The following PIEZO2 variants were observed in gnomAD, a reference collection of about 807,000 sequenced individuals.
PIEZO2 encodes piezo type mechanosensitive ion channel component 2, also known as piezo-type mechanosensitive ion channel component 2.
PIEZO2 carries 172 observed loss-of-function variants against 337.3 expected under a neutral mutation model. The ratio of observed to expected loss-of-function variants is 0.51; its 90% CI spans 0.45 to 0.58. The LOEUF (loss-of-function observed/expected upper bound fraction) is 0.58, where lower values mean the gene tolerates loss of function less well. PIEZO2 is among the 20% of genes least tolerant of loss of function. PIEZO2 has a pLI of 0.00. For synonymous variants in PIEZO2, 1,251 were observed against 1,228.5 expected, an observed-to-expected ratio of 1.02 and a Z score of -0.38; for missense variants, 3,028 against 3,391.3, an observed-to-expected ratio of 0.89 and a Z score of 2.66.
chr18:10,924,304 G>A (rs984722821), intron 3 of PIEZO2, among the ~76,000 whole-genome samples: 1 of 151,920 alleles, frequency 6.6e-6, no homozygotes, highest in Non-Finnish European at 1.5e-5. Flanking sequence ...TTTGCTTTTA[G>A]TGTCTGTTTG....
At chr18:10,933,594 A>G (rs2032213994) in intron 3 of PIEZO2, among the ~76,000 whole-genome samples, 1 of 152,068 alleles carries the variant, frequency 6.6e-6, no homozygotes. Flanking sequence ...CTCTATATCC[A>G]TCCAGACACT....
chr18:11,144,437 G>A (rs986287396), intron 1 of PIEZO2, among the ~76,000 whole-genome samples: 30 of 152,040 alleles, frequency 2.0e-4, no homozygotes, highest in African/African-American at 5.8e-4. Context: ...TACAGCCACC[G>A]CAATAGGGGA....
At position 10,834,295 on chromosome 18, in the gene PIEZO2, C is replaced by T. The variant is rs149397170; in HGVS notation, c.917+21058G>A. Among the ~76,000 whole-genome samples, 148 of 152,156 alleles carry T rather than the reference C, an allele frequency of 9.7e-4. No homozygotes were observed. The highest frequency in any genetic ancestry group is 1.9e-3 in the Non-Finnish European group (128 of 67,998). The stretch of plus-strand genomic sequence containing the variant: ...GCCATCTCTATCCTGTGACTTGGAG[C>T]AAATCACTTATCTACACCTCAATTT... On this transcript the variant is annotated intron_variant, in intron 7 of 55. Coordinates refer to ENST00000674853, the MANE Select transcript of PIEZO2 (RefSeq NM_001378183.1). This position sits in a 1 kb window ranked among gnomAD's most constrained non-coding sequence, Gnocchi z 4.5.
chr18:11,048,154 G>C lies in PIEZO2; in HGVS notation c.160+17973C>G, dbSNP rs1232889264. On this transcript the variant is annotated intron_variant, in intron 2 of 55. Transcript: ENST00000674853. The surrounding 1 kb of genome is among the most constrained non-coding windows in gnomAD (Gnocchi z 4.5). ...AAGCCCCTGCTCCTGACTGCCCGAG[G>C]AGACTATTAGTGACTTTCCCCAATA... Among the ~76,000 whole-genome samples, 1 of 152,182 alleles carries C rather than the reference G, an allele frequency of 6.6e-6. No homozygotes were observed. Among genetic ancestry groups the C allele is most frequent in the Non-Finnish European group, 1.5e-5 (1 of 68,034 alleles).
intron 3 of PIEZO2, among the ~76,000 whole-genome samples, chr18:10,913,889 C>T (rs1407685168): frequency 9.2e-5 from 14 of 152,080 alleles, no homozygotes; most frequent in Non-Finnish European, 1.8e-4. Flanking sequence ...TGATACTTTC[C>T]TAACCATCTT....
chr18:10,912,116 A>C (rs1188538530), intron 3 of PIEZO2, among the ~76,000 whole-genome samples: 3 of 152,100 alleles, frequency 2.0e-5, no homozygotes, highest in African/African-American at 7.2e-5. Context: ...ATTCCAACTG[A>C]TATCAAGAAC....
rs1191082375 is a variant in PIEZO2 at position 10,962,843 on chromosome 18, CTT to C, written c.286+16690_286+16691del. ...CCCATGCTAGCAATGTGAGGGATGA[CTT>C]TTCCCACTGAGCTATTAGTTCTAAC... On this transcript the variant is annotated intron_variant, in intron 3 of 55. Coordinates refer to ENST00000674853, the MANE Select transcript of PIEZO2 (RefSeq NM_001378183.1). This position sits in a 1 kb window ranked among gnomAD's most constrained non-coding sequence, Gnocchi z 4.1. 2.0e-5 allele frequency among the ~76,000 whole-genome samples: 3 copies of C among 152,140 alleles called. No individual in the cohort carries two copies. The highest frequency in any genetic ancestry group is 7.2e-5 in the African/African-American group (3 of 41,390).
chr18:11,034,544 C>T (rs913562166), intron 2 of PIEZO2, among the ~76,000 whole-genome samples: 10 of 152,152 alleles, frequency 6.6e-5, no homozygotes, highest in Admixed American at 2.6e-4. Context: ...CTGCCCGCCT[C>T]GGCCTCCCAA....
intron 1 of PIEZO2, among the ~76,000 whole-genome samples, chr18:11,090,931 A>C (rs948046378): frequency 1.4e-5 from 2 of 143,676 alleles, no homozygotes; most frequent in African/African-American, 5.4e-5. Context: ...AAAAAAAAAA[A>C]AGTAGATGTG....
rs2038622819 is a variant in PIEZO2 at position 11,078,287 on chromosome 18, G to T, written c.65-12065C>A. 6.6e-6 allele frequency among the ~76,000 whole-genome samples: 1 copy of T among 152,114 alleles called. No homozygotes were observed. Among genetic ancestry groups the T allele is most frequent in the Non-Finnish European group, 1.5e-5 (1 of 68,014 alleles). ...TACTTTCAAGAACTTAGTAAAAATA[G>T]AATTTTTTGTAGACTTTTACTGTAG... On this transcript the variant is annotated intron_variant, in intron 1 of 55. Coordinates refer to ENST00000674853, the MANE Select transcript of PIEZO2 (RefSeq NM_001378183.1). This position sits in a 1 kb window ranked among gnomAD's most constrained non-coding sequence, Gnocchi z 5.3.
intron 2 of PIEZO2, among the ~76,000 whole-genome samples, chr18:11,005,964 T>A (rs1191065531): frequency 6.6e-6 from 1 of 152,250 alleles, no homozygotes; most frequent in Non-Finnish European, 1.5e-5. Context: ...AACCTTCTTA[T>A]GAATTTGTCT....
At chr18:11,134,292 C>A (rs767822580) in intron 1 of PIEZO2, among the ~76,000 whole-genome samples, 1 of 152,182 alleles carries the variant, frequency 6.6e-6, no homozygotes, top group Non-Finnish European at 1.5e-5. Flanking sequence ...TGGTTATTTT[C>A]TGGCATTCTA....
At chr18:11,012,597 T>A (rs1344008094) in intron 2 of PIEZO2, among the ~76,000 whole-genome samples, 1 of 152,218 alleles carries the variant, frequency 6.6e-6, no homozygotes. Flanking sequence ...GATTTTTTTT[T>A]AAACCCTCAT....
intron 49 of PIEZO2, among the ~76,000 whole-genome samples, chr18:10,684,765 C>T: frequency 6.6e-6 from 1 of 152,234 alleles, no homozygotes; most frequent in Non-Finnish European, 1.5e-5. Flanking sequence ...CACATTCAGC[C>T]TCCCCTCCCT....
intron 3 of PIEZO2, among the ~76,000 whole-genome samples, chr18:10,918,677 A>C (rs1484674577): frequency 6.6e-6 from 1 of 152,056 alleles, no homozygotes; most frequent in Non-Finnish European, 1.5e-5. Flanking sequence ...TTATTTTTGC[A>C]TAGACTCCCC....
At position 11,033,716 on chromosome 18, in the gene PIEZO2, G is replaced by A. The variant is rs1016228620; in HGVS notation, c.160+32411C>T. Among the ~76,000 whole-genome samples, 2 of 151,940 alleles carry A rather than the reference G, an allele frequency of 1.3e-5. No individual in the cohort carries two copies. The highest frequency in any genetic ancestry group is 4.8e-5 in the African/African-American group (2 of 41,322). On this transcript the variant is annotated intron_variant, in intron 2 of 55. Coordinates refer to ENST00000674853, the MANE Select transcript of PIEZO2 (RefSeq NM_001378183.1). This position sits in a 1 kb window ranked among gnomAD's most constrained non-coding sequence, Gnocchi z 4.2. Reference sequence around the variant, plus strand: ...GTCATGTGAACCAGTCATACCAAGAGTATAAATATTGCTCTCAAAACAGTC... The same window carrying A: ...GTCATGTGAACCAGTCATACCAAGAATATAAATATTGCTCTCAAAACAGTC...
chr18:10,716,032 G>T lies in PIEZO2; in HGVS notation c.5090-216C>A, dbSNP rs11662454. ...CACACGCAGTGGCAGACCAAATCAGGATAGAACTTGTAATCTTTAGTGGAA... is the reference window on the plus strand; with the variant it reads ...CACACGCAGTGGCAGACCAAATCAGTATAGAACTTGTAATCTTTAGTGGAA... On this transcript the variant is annotated intron_variant, in intron 37 of 55. Transcript: ENST00000674853. The surrounding 1 kb of genome is among the most constrained non-coding windows in gnomAD (Gnocchi z 4.1). 0.089 allele frequency among the ~76,000 whole-genome samples: 13,491 copies of T among 152,202 alleles called. 921 individuals carry two copies. Among genetic ancestry groups the T allele is most frequent in the East Asian group, 0.2 (1,025 of 5,156 alleles).
At chr18:10,931,685 C>G (rs2032092983) in intron 3 of PIEZO2, among the ~76,000 whole-genome samples, 1 of 146,746 alleles carries the variant, frequency 6.8e-6, no homozygotes. Flanking sequence ...TTCTCTCACT[C>G]TTTCTCTGTG....
intron 2 of PIEZO2, among the ~76,000 whole-genome samples, chr18:11,029,127 T>C (rs2036640357): frequency 6.6e-6 from 1 of 152,190 alleles, no homozygotes; most frequent in Non-Finnish European, 1.5e-5. Context: ...TTCTCCATAT[T>C]CAATTTAAGA....
Sources: gnomAD v4.1 joint callset for allele counts (sites outside exome capture counted in the v4.1 genomes callset) on GRCh38, gnomAD v4.1.1 for gene constraint, Gnocchi (gnomAD v3.1) non-coding constraint, MANE v1.5 for transcripts, NCBI Gene and HGNC (gene_info 2026-07-23, HGNC 2026-07-21) for gene names.